UNC5D: variants seen among roughly 807,000 people sequenced by gnomAD.
UNC5D encodes the protein netrin receptor UNC5D.
In UNC5D, 39 loss-of-function variants were observed where a neutral mutation model predicts 105.4. The observed-to-expected ratio is 0.37, with a 90% CI of 0.29 to 0.48. The LOEUF is 0.48. UNC5D is among the 20% of genes least tolerant of loss of function. The pLI is 0.98. For missense variants in UNC5D, 991 were observed against 1,202.4 expected (o/e 0.82, Z 2.60); for synonymous variants, 452 against 450.4 (o/e 1.00, Z -0.04).
chr8:35,321,732 G>C (rs559149758), intron 1 of UNC5D, among the ~76,000 whole-genome samples: 2 of 152,282 alleles, frequency 1.3e-5, no homozygotes, highest in South Asian at 4.1e-4. Context: ...AAACTATATA[G>C]GCAGATTAGG....
At chr8:35,598,862 G>A (rs1003785522) in intron 4 of UNC5D, among the ~76,000 whole-genome samples, 2 of 152,112 alleles carry the variant, frequency 1.3e-5, no homozygotes, top group South Asian at 4.1e-4. Context: ...GCTGAAGTTG[G>A]CCGGGTGCAA....
chr8:35,585,316 C>T (rs1818715754), intron 3 of UNC5D, among the ~76,000 whole-genome samples: 1 of 152,190 alleles, frequency 6.6e-6, no homozygotes, highest in Non-Finnish European at 1.5e-5. Flanking sequence ...ATCAGCCAAA[C>T]ACCCTGCTGT....
intron 1 of UNC5D, among the ~76,000 whole-genome samples, chr8:35,320,811 G>A (rs1378102824): frequency 1.3e-5 from 2 of 152,094 alleles, no homozygotes; most frequent in African/African-American, 4.8e-5. Flanking sequence ...ACTTTGTAAT[G>A]CCCTTGGCTG....
chr8:35,313,380 AG>A (rs1307890353), intron 1 of UNC5D, among the ~76,000 whole-genome samples: 1 of 152,172 alleles, frequency 6.6e-6, no homozygotes, highest in African/African-American at 2.4e-5. Flanking sequence ...AACATATTGT[AG>A]ACTAGTCATC....
chr8:35,490,169 A>G (rs762525682), intron 1 of UNC5D, among the ~76,000 whole-genome samples: 138 of 152,248 alleles, frequency 9.1e-4, no homozygotes, highest in Non-Finnish European at 1.4e-3. Context: ...TTTGGTAATC[A>G]CCAAAAACAA....
At chr8:35,416,059 CA>C (rs1392642614) in intron 1 of UNC5D, among the ~76,000 whole-genome samples, 2 of 152,058 alleles carry the variant, frequency 1.3e-5, no homozygotes, top group Non-Finnish European at 2.9e-5. Flanking sequence ...TCTTGGAACA[CA>C]AGGGATAACT....
intron 1 of UNC5D, among the ~76,000 whole-genome samples, chr8:35,395,049 C>T (rs146366370): frequency 6.6e-6 from 1 of 152,156 alleles, no homozygotes; most frequent in Admixed American, 6.5e-5. Context: ...CTGTAATGTG[C>T]TTTGCCTAGT....
intron 3 of UNC5D, among the ~76,000 whole-genome samples, chr8:35,581,543 A>G (rs1818469471): frequency 6.6e-6 from 1 of 152,232 alleles, no homozygotes; most frequent in Non-Finnish European, 1.5e-5. Context: ...AGTATTTGAT[A>G]GCATAACAAT....
At chr8:35,357,628 A>T (rs1801635769) in intron 1 of UNC5D, among the ~76,000 whole-genome samples, 1 of 152,104 alleles carries the variant, frequency 6.6e-6, no homozygotes, top group African/African-American at 2.4e-5. Flanking sequence ...ATCTCCTGTT[A>T]GATTACAAGT....
intron 1 of UNC5D, among the ~76,000 whole-genome samples, chr8:35,517,017 C>T (rs955564516): frequency 6.6e-6 from 1 of 152,184 alleles, no homozygotes; most frequent in African/African-American, 2.4e-5. Flanking sequence ...AACCTGCATT[C>T]ATTCATTCAT....
rs1229924097 is a variant in UNC5D, at chr8:35,795,315, G to A, written c.*4752G>A. The stretch of plus-strand genomic sequence containing the variant: ...CAAAAGGCATGATTACAATGGAAAT[G>A]CCCCTTTGCCTCCAGTTTTGCTAAC... On this transcript the variant is annotated 3_prime_UTR_variant, in exon 17 of 17. Coordinates refer to ENST00000404895, the MANE Select transcript of UNC5D (RefSeq NM_080872.4). The A allele has an allele frequency of 7.9e-5, 12 of 152,176 alleles. No homozygotes were observed. 9.4% of individuals were successfully genotyped at this position (152,176 alleles called of 1,614,324 possible). A position where few individuals can be genotyped will look rare whatever the true frequency, so the allele number is the denominator to read the frequency against.
intron 1 of UNC5D, among the ~76,000 whole-genome samples, chr8:35,400,860 G>A (rs1804413071): frequency 6.6e-6 from 1 of 152,074 alleles, no homozygotes; most frequent in Admixed American, 6.6e-5. Flanking sequence ...TTAGTTACTT[G>A]TTTTTGCATC....
intron 16 of UNC5D, among the ~76,000 whole-genome samples, chr8:35,781,144 C>T (rs1447641346): frequency 1.3e-5 from 2 of 151,996 alleles, no homozygotes; most frequent in Non-Finnish European, 2.9e-5. Flanking sequence ...TTAAAAAGCC[C>T]TTGCAGTGAA....
chr8:35,771,804 A>G (rs1242558704), intron 15 of UNC5D, among the ~76,000 whole-genome samples: 1 of 152,216 alleles, frequency 6.6e-6, no homozygotes, highest in African/African-American at 2.4e-5. Flanking sequence ...ACAGGGTGCT[A>G]TAGTGAAATA....
intron 11 of UNC5D, among the ~76,000 whole-genome samples, chr8:35,732,309 T>C (rs1454637446): frequency 6.6e-6 from 1 of 152,188 alleles, no homozygotes; most frequent in Non-Finnish European, 1.5e-5. Context: ...TGCCATTTGG[T>C]TGTGAGGCTG....
intron 1 of UNC5D, chr8:35,525,249 T>G: frequency 6.2e-7 from 1 of 1,612,126 alleles, no homozygotes; most frequent in African/African-American, 1.3e-5. Flanking sequence ...GCTTTCCACG[T>G]CTCTAAAATG....
At chr8:35,538,415 ATATATATATATATATATATATATATG>A in intron 1 of UNC5D, among the ~76,000 whole-genome samples, 2 of 61,946 alleles carry the variant, frequency 3.2e-5, no homozygotes, top group South Asian at 1.3e-3. Context: ...ATATATATAT[ATATATATATATATATATATATATATG>A]AATTTTATTC....
chr8:35,735,580 T>C (rs1343399676), intron 11 of UNC5D, among the ~76,000 whole-genome samples: 2 of 152,208 alleles, frequency 1.3e-5, no homozygotes, highest in Non-Finnish European at 2.9e-5. Flanking sequence ...AAACATTATC[T>C]TTTTTAGGGT....
intron 7 of UNC5D, among the ~76,000 whole-genome samples, chr8:35,691,008 CAACAA>C (rs1359874560): frequency 6.6e-6 from 1 of 152,132 alleles, no homozygotes. Flanking sequence ...ATTTAGCCTT[CAACAA>C]AACAATTGGT....
Sources: allele counts gnomAD v4.1 joint callset (sites outside exome capture counted in the v4.1 genomes callset), GRCh38; gene constraint gnomAD v4.1.1; transcripts MANE v1.5; gene names NCBI Gene and HGNC (gene_info 2026-07-23, HGNC 2026-07-21).